The following ZWILCH variants were observed in gnomAD, a reference collection of about 807,000 sequenced individuals.
The protein encoded by ZWILCH is protein zwilch homolog.
A neutral mutation model predicts 79.9 loss-of-function variants in ZWILCH; 74 were observed. That is an observed-to-expected ratio of 0.93 (90% CI 0.77 to 1.12). The LOEUF is 1.12. ZWILCH is among the 50% of genes most tolerant of loss of function. The pLI is 0.00. For synonymous variants in ZWILCH, 241 were observed against 228.2 expected (o/e 1.06, Z -0.51); for missense variants, 694 against 687.5 (o/e 1.01, Z -0.11).
rs1530195 is a variant in ZWILCH, at chr15:66,549,589, C to T, written c.*1265C>T. 0.013 allele frequency: 1,969 copies of T among 152,970 alleles called. 35 individuals are homozygous for T. The highest frequency in any genetic ancestry group is 0.045 in the African/African-American group (1,855 of 41,568). 9.5% of individuals were successfully genotyped at this position (152,970 alleles called of 1,614,324 possible). A position where few individuals can be genotyped will look rare whatever the true frequency, so the allele number is the denominator to read the frequency against. On this transcript the variant is annotated 3_prime_UTR_variant, in exon 19 of 19. Transcript: ENST00000307897. ...TAGGAAATGATGTCTTCTATGAAGA[C>T]AGGGACCTTGTTTTGTTCCTGGCTA...
At position 66,542,294 on chromosome 15, in the gene ZWILCH, T is replaced by C. The variant is rs1176073779; in HGVS notation, c.1687+2084T>C. 2.6e-5 allele frequency among the ~76,000 whole-genome samples: 4 copies of C among 151,592 alleles called. No homozygotes were observed. The South Asian group carries it at 6.3e-4, about 24-fold the overall frequency. On this transcript the variant is annotated intron_variant, in intron 17 of 18. Coordinates refer to ENST00000307897, the MANE Select transcript of ZWILCH (RefSeq NM_017975.5). The stretch of plus-strand genomic sequence containing the variant: ...TGAAACACCATCTCTACTAAAAAAA[T>C]ACAAAAAAAGGCCGGGCGCGGGGGC...
Position 66,549,877 on chromosome 15 carries a change from C to A in ZWILCH, c.*1553C>A. 1 of 474,708 alleles carries A rather than the reference C, an allele frequency of 2.1e-6. No homozygotes were observed. Among genetic ancestry groups the A allele is most frequent in the Non-Finnish European group, 3.8e-6 (1 of 264,570 alleles). 29.4% of individuals were successfully genotyped at this position (474,708 alleles called of 1,614,324 possible). On this transcript the variant is annotated 3_prime_UTR_variant, in exon 19 of 19. Transcript: ENST00000307897. Reference sequence around the variant, plus strand: ...ATGGTAGATTAAATGCTTTAAAATGCTTATAAATAGAAATTTGACATTGCT... The same window carrying A: ...ATGGTAGATTAAATGCTTTAAAATGATTATAAATAGAAATTTGACATTGCT...
intron 1 of ZWILCH, among the ~76,000 whole-genome samples, chr15:66,507,459 T>C (rs150483201): frequency 1.6e-4 from 24 of 152,320 alleles, no homozygotes; most frequent in African/African-American, 5.3e-4. Flanking sequence ...CTCCAAGTTA[T>C]TACCCTCCAC....
intron 17 of ZWILCH, among the ~76,000 whole-genome samples, chr15:66,542,267 G>A (rs955397478): frequency 6.6e-6 from 1 of 151,842 alleles, no homozygotes; most frequent in African/African-American, 2.4e-5. Flanking sequence ...TGGCCAGCAC[G>A]GTGAAACACC....
At chr15:66,546,007 G>A (rs1399727842) in intron 17 of ZWILCH, among the ~76,000 whole-genome samples, 1 of 152,110 alleles carries the variant, frequency 6.6e-6, no homozygotes, top group African/African-American at 2.4e-5. Flanking sequence ...AAAGAGAGAG[G>A]GTAATGATTT....
intron 16 of ZWILCH, among the ~76,000 whole-genome samples, chr15:66,539,054 C>T (rs972482162): frequency 2.6e-5 from 4 of 152,186 alleles, no homozygotes; most frequent in African/African-American, 7.2e-5. Context: ...AGTTCAAACT[C>T]TAAAGCCTAA....
chr15:66,541,677 C>T (rs1895196578), intron 17 of ZWILCH, among the ~76,000 whole-genome samples: 1 of 152,148 alleles, frequency 6.6e-6, no homozygotes, highest in Non-Finnish European at 1.5e-5. Context: ...TCAGGAAGTA[C>T]CCTCAAACTC....
intron 5 of ZWILCH, among the ~76,000 whole-genome samples, chr15:66,519,699 A>G (rs981466544): frequency 3.3e-5 from 5 of 152,082 alleles, no homozygotes; most frequent in Admixed American, 6.5e-5. Flanking sequence ...GGTTCACCAT[A>G]TTGGTCAGGC....
At chr15:66,521,528 C>T (rs1011912665) in intron 7 of ZWILCH, among the ~76,000 whole-genome samples, 6 of 152,138 alleles carry the variant, frequency 3.9e-5, no homozygotes, top group East Asian at 1.9e-4. Flanking sequence ...CAGAGTCTTA[C>T]TCTGTCACCC....
intron 1 of ZWILCH, chr15:66,505,787 T>C (rs16953565): frequency 0.096 from 22,498 of 233,246 alleles, 1,402 homozygotes; most frequent in East Asian, 0.34. Context: ...TAATCTCTAT[T>C]ATTCGAGGTA....
intron 9 of ZWILCH, 30 bp downstream of exon 9, chr15:66,527,413 T>C: frequency 6.7e-7 from 1 of 1,501,118 alleles, no homozygotes; most frequent in Non-Finnish European, 9.3e-7. Flanking sequence ...AATTGAGAAT[T>C]TATACTTGCT....
At chr15:66,509,453 A>G (rs991349866) in intron 2 of ZWILCH, among the ~76,000 whole-genome samples, 3 of 152,072 alleles carry the variant, frequency 2.0e-5, no homozygotes, top group Admixed American at 6.6e-5. Context: ...GCTTCTTTCA[A>G]TTAGTATAAT....
Position 66,548,591 on chromosome 15 carries a change from G to T in ZWILCH, c.*267G>T. 1 of 1,596,004 alleles carries T rather than the reference G, an allele frequency of 6.3e-7. No homozygotes were observed. The highest frequency in any genetic ancestry group is 1.1e-5 in the South Asian group (1 of 90,634). On this transcript the variant is annotated 3_prime_UTR_variant, in exon 19 of 19. Transcript: ENST00000307897. ...ACGATCTCCGTAACCATTTGCATGT[G>T]ACTTAGCAAGGGCTCTGAAATGACA...
chr15:66,543,678 G>A (rs1895264568), intron 17 of ZWILCH, among the ~76,000 whole-genome samples: 1 of 151,872 alleles, frequency 6.6e-6, no homozygotes, highest in Non-Finnish European at 1.5e-5. Flanking sequence ...GATTAGTTGA[G>A]CCCAGGAGAT....
Position 66,544,923 on chromosome 15 carries a change from T to C in ZWILCH, c.1688-1668T>C, listed in dbSNP as rs563607698. The stretch of plus-strand genomic sequence containing the variant: ...CACGCCTGGCTAATTTTTGTATTTT[T>C]AGTAGAGATGGGGTTTCACCATGTT... On this transcript the variant is annotated intron_variant, in intron 17 of 18. Coordinates refer to ENST00000307897, the MANE Select transcript of ZWILCH (RefSeq NM_017975.5). Among the ~76,000 whole-genome samples the C allele has an allele frequency of 1.1e-4, 16 of 151,822 alleles. No individual in the cohort carries two copies. The East Asian group carries it at 3.0e-3, about 28-fold the overall frequency.
chr15:66,519,998 C>T (rs949627644), intron 5 of ZWILCH, among the ~76,000 whole-genome samples: 4 of 152,064 alleles, frequency 2.6e-5, no homozygotes, highest in African/African-American at 9.7e-5. Flanking sequence ...TTTTAAGAGA[C>T]AGGGTCCCAC....
chr15:66,524,348 A>T (rs1410553302), intron 8 of ZWILCH: 1 of 152,168 alleles, frequency 6.6e-6, no homozygotes, highest in African/African-American at 2.4e-5. Context: ...GTGAAGTGGT[A>T]TCTCTTTGTA....
intron 4 of ZWILCH, 73 bp from the exon 5 acceptor site, chr15:66,518,806 G>A (rs1469160447): frequency 2.1e-6 from 3 of 1,413,532 alleles, no homozygotes; most frequent in Non-Finnish European, 3.0e-6. Context: ...GTGAGACCCT[G>A]TCTCTCAGAA....
At chr15:66,518,806 GTC>G in intron 4 of ZWILCH, 71 bp from the exon 5 acceptor site, 4 of 1,413,532 alleles carry the variant, frequency 2.8e-6, no homozygotes, top group Non-Finnish European at 3.9e-6. Context: ...GTGAGACCCT[GTC>G]TCTCAGAAAT....
Sources: gnomAD v4.1 joint callset for allele counts (sites outside exome capture counted in the v4.1 genomes callset) on GRCh38, gnomAD v4.1.1 for gene constraint, MANE v1.5 for transcripts, NCBI Gene and HGNC (gene_info 2026-07-23, HGNC 2026-07-21) for gene names.